GRM7: variants seen among roughly 807,000 people sequenced by gnomAD.
GRM7 encodes glutamate metabotropic receptor 7, also known as metabotropic glutamate receptor 7.
A neutral mutation model predicts 84.5 loss-of-function variants in GRM7; 35 were observed. That is an observed-to-expected ratio of 0.41 (90% CI 0.32 to 0.55). GRM7 has a LOEUF of 0.55. Among genes scored for constraint, GRM7 ranks in the 20% least tolerant of loss-of-function variants. The probability of loss-of-function intolerance (pLI) is 0.19; values close to 1 mark genes in which losing one functional copy is unlikely to be tolerated. For synonymous variants in GRM7, 487 were observed against 455.1 expected (o/e 1.07, Z -0.89); for missense variants, 1,003 against 1,194.6 (o/e 0.84, Z 2.36).
chr3:7,289,225 A>G (rs908813348), intron 2 of GRM7, among the ~76,000 whole-genome samples: 1 of 152,178 alleles, frequency 6.6e-6, no homozygotes, highest in Non-Finnish European at 1.5e-5. Context: ...GTTCTTGTTC[A>G]GGGAAAGGAA....
intron 4 of GRM7, among the ~76,000 whole-genome samples, chr3:7,318,311 C>T (rs1004915473): frequency 6.6e-6 from 1 of 152,128 alleles, no homozygotes; most frequent in East Asian, 1.9e-4. Flanking sequence ...GGGGCTAAGA[C>T]TTCTCTTCCT....
intron 1 of GRM7, among the ~76,000 whole-genome samples, chr3:6,909,213 T>C (rs2125014776): frequency 6.6e-6 from 1 of 152,278 alleles, no homozygotes; most frequent in Admixed American, 6.5e-5. Flanking sequence ...GGCAAACTTT[T>C]GCATCCAACT....
At chr3:7,488,146 C>G (rs1385226645) in intron 7 of GRM7, among the ~76,000 whole-genome samples, 2 of 152,164 alleles carry the variant, frequency 1.3e-5, no homozygotes, top group Non-Finnish European at 2.9e-5. Context: ...AATATTTACC[C>G]TATGCCTGTT....
chr3:7,169,430 G>A (rs1382074990), intron 2 of GRM7, among the ~76,000 whole-genome samples: 2 of 152,112 alleles, frequency 1.3e-5, no homozygotes, highest in African/African-American at 4.8e-5. Context: ...TCAATTCAGA[G>A]GTGCCATCAT....
At chr3:7,098,016 G>A (rs934984918) in intron 1 of GRM7, among the ~76,000 whole-genome samples, 1 of 152,026 alleles carries the variant, frequency 6.6e-6, no homozygotes, top group African/African-American at 2.4e-5. Context: ...AGGGACAAAA[G>A]TAAAATAAAT....
In GRM7 at chr3:7,363,177, A is replaced by G. The variant is rs893646420; in HGVS notation, c.1034-51846A>G. 2.0e-5 allele frequency among the ~76,000 whole-genome samples: 3 copies of G among 151,564 alleles called. No homozygotes were observed. The East Asian group carries it at 5.8e-4, about 29-fold the overall frequency. On this transcript the variant is annotated intron_variant, in intron 4 of 9. Transcript: ENST00000357716. ...AATAATTTTGAAATAAAATATATAA[A>G]TATAAAAATTAAGTATAAATAGTGA...
At chr3:7,739,068 T>C (rs1328122502) in intron 9 of GRM7, among the ~76,000 whole-genome samples, 3 of 152,222 alleles carry the variant, frequency 2.0e-5, no homozygotes, top group South Asian at 2.1e-4. Context: ...ATTTACCTTT[T>C]TGTATTTTAG....
chr3:7,183,721 T>C lies in GRM7; in HGVS notation c.736+37053T>C, dbSNP rs988910742. ...TGGCATAAAGAAAGTGCTTAGTAAA[T>C]ATTCACTTATATTTGTACTGTTGGT... On this transcript the variant is annotated intron_variant, in intron 2 of 9. Transcript: ENST00000357716. Among the ~76,000 whole-genome samples the C allele has an allele frequency of 9.9e-5, 15 of 152,282 alleles. No homozygotes were observed. In the East Asian group the frequency reaches 2.9e-3, roughly 29 times the overall value.
intron 1 of GRM7, among the ~76,000 whole-genome samples, chr3:6,868,455 C>A (rs535908151): frequency 6.6e-6 from 1 of 152,282 alleles, no homozygotes; most frequent in African/African-American, 2.4e-5. Flanking sequence ...CTTGAGCACA[C>A]AAACCCTTAC....
intron 1 of GRM7, among the ~76,000 whole-genome samples, chr3:7,142,848 T>A (rs1338493832): frequency 6.6e-6 from 1 of 152,176 alleles, no homozygotes; most frequent in Non-Finnish European, 1.5e-5. Context: ...TAGATGTTTT[T>A]AAATCCTATT....
Position 7,594,704 on chromosome 3 carries a change from A to C in GRM7, c.2451+15347A>C, listed in dbSNP as rs187837105. Among the ~76,000 whole-genome samples, 569 of 152,260 alleles carry C rather than the reference A, an allele frequency of 3.7e-3. 1 individual carries two copies. The highest frequency in any genetic ancestry group is 6.1e-3 in the Non-Finnish European group (413 of 68,002). ...AAGCAGGTAACAGAGGTGAGCTGCAACCAGGGATGATTTGAGATTCCAGAC... is the reference window on the plus strand; with the variant it reads ...AAGCAGGTAACAGAGGTGAGCTGCACCCAGGGATGATTTGAGATTCCAGAC... On this transcript the variant is annotated intron_variant, in intron 8 of 9. Transcript: ENST00000357716.
At chr3:7,447,941 T>C (rs1697593523) in intron 5 of GRM7, among the ~76,000 whole-genome samples, 1 of 121,268 alleles carries the variant, frequency 8.2e-6, no homozygotes, top group Non-Finnish European at 1.6e-5. Context: ...GATGTTCCCC[T>C]TCCTGTGTCC....
rs71066013 is a variant in GRM7, at chr3:7,460,099, T to TAAA, written c.1376-1456_1376-1454dup. ...ACAGGGAAAAGTATGCTTAAAATAGTAAAAAAAAAAAAAAAAAAAAAAAAA... is the reference window on the plus strand; with the variant it reads ...ACAGGGAAAAGTATGCTTAAAATAGTAAAAAAAAAAAAAAAAAAAAAAAAAAAA... On this transcript the variant is annotated intron_variant, in intron 6 of 9. Transcript: ENST00000357716. Among the ~76,000 whole-genome samples the TAAA allele has an allele frequency of 6.7e-3, 334 of 49,554 alleles. 21 individuals carry two copies. Among genetic ancestry groups the TAAA allele is most frequent in the Middle Eastern group, 0.025 (1 of 40 alleles). The allele number at this position is 49,554 out of a possible 152,430, so 32.5% of individuals were successfully genotyped here. A position where few individuals can be genotyped will look rare whatever the true frequency, so the allele number is the denominator to read the frequency against.
chr3:7,204,995 T>A (rs1052059340), intron 2 of GRM7, among the ~76,000 whole-genome samples: 1 of 152,208 alleles, frequency 6.6e-6, no homozygotes, highest in African/African-American at 2.4e-5. Context: ...ATGGGTGACT[T>A]ATTTGAATAT....
At chr3:7,004,155 A>G (rs1490306913) in intron 1 of GRM7, among the ~76,000 whole-genome samples, 1 of 152,188 alleles carries the variant, frequency 6.6e-6, no homozygotes, top group East Asian at 1.9e-4. Flanking sequence ...CATTTATGCA[A>G]TATCTCGTGA....
chr3:7,551,539 G>A (rs1043126048), intron 7 of GRM7, among the ~76,000 whole-genome samples: 6 of 151,704 alleles, frequency 4.0e-5, no homozygotes, highest in Non-Finnish European at 8.8e-5. Context: ...TAAAATCCCA[G>A]ATCCTTTACA....
At chr3:7,665,911 T>C (rs549897755) in intron 8 of GRM7, among the ~76,000 whole-genome samples, 8 of 152,316 alleles carry the variant, frequency 5.3e-5, no homozygotes, top group African/African-American at 1.9e-4. Context: ...GACTTTTATA[T>C]GTGCACCATA....
intron 9 of GRM7, chr3:7,694,402 T>C (rs1575641927): frequency 1.0e-6 from 1 of 956,306 alleles, no homozygotes; most frequent in Non-Finnish European, 1.2e-6. Flanking sequence ...TTCTTCTATT[T>C]GGTCTCTTGT....
Position 7,064,907 on chromosome 3 carries a change from T to A in GRM7, c.520-81545T>A, listed in dbSNP as rs115009672. On this transcript the variant is annotated intron_variant, in intron 1 of 9. Coordinates refer to ENST00000357716, the MANE Select transcript of GRM7 (RefSeq NM_000844.4). ...TTGCAGGAGTAAAGTGGTATTGCAT[T>A]GTGGTTTTGATTTACATTTCTTTGA... is the stretch of plus-strand genomic sequence containing the variant. Among the ~76,000 whole-genome samples, 624 of 152,046 alleles carry A rather than the reference T, an allele frequency of 4.1e-3. 4 individuals are homozygous for A. Among genetic ancestry groups the A allele is most frequent in the African/African-American group, 0.014 (583 of 41,532 alleles).
Sources: allele counts gnomAD v4.1 joint callset (sites outside exome capture counted in the v4.1 genomes callset), GRCh38; gene constraint gnomAD v4.1.1; transcripts MANE v1.5; gene names NCBI Gene and HGNC (gene_info 2026-07-23, HGNC 2026-07-21).